Variants in ABCB11 observed in about 807,000 individuals in gnomAD.
ABCB11 encodes the protein ATP binding cassette subfamily B member 11, also known as bile salt export pump.
In ABCB11, 95 loss-of-function variants were observed where a neutral mutation model predicts 148.0. That is an observed-to-expected ratio of 0.64 (90% CI 0.54 to 0.76). The LOEUF (loss-of-function observed/expected upper bound fraction) is 0.76, where lower values mean the gene tolerates loss of function less well. Among genes scored for constraint, ABCB11 ranks in the 30% least tolerant of loss-of-function variants. ABCB11 has a pLI of 0.00. For missense variants in ABCB11, 1,523 were observed against 1,617.8 expected, an observed-to-expected ratio of 0.94 and a Z score of 1.01; for synonymous variants, 591 against 555.4, an observed-to-expected ratio of 1.06 and a Z score of -0.90.
rs750399349 is a variant in ABCB11 at position 168,958,042 on chromosome 2, C to T, written c.2265G>A (p.Met755Ile). 1.9e-6 allele frequency: 3 copies of T among 1,611,382 alleles called. No homozygotes were observed. The South Asian group carries it at 3.3e-5, about 18-fold the overall frequency. The change falls in exon 19 of 28, where the codon ATG becomes ATA. Residue 755 changes from methionine (M) to isoleucine (I), a missense_variant. Met to Ile is a conservative substitution (Grantham distance 10, BLOSUM62 1). Transcript: ENST00000650372. ...LKFSAPEWPY[M>I]LVGSVGAAVN... Reference sequence around the variant, plus strand: ...CAGCTGCACCCACAGACCCTACCAGCATGTAGGGCCATTCTGGAGCACTGA... The same window carrying T: ...CAGCTGCACCCACAGACCCTACCAGTATGTAGGGCCATTCTGGAGCACTGA...
At chr2:168,973,117 C>A (rs1693661803) in intron 13 of ABCB11, among the ~76,000 whole-genome samples, 1 of 151,826 alleles carries the variant, frequency 6.6e-6, no homozygotes, top group South Asian at 2.1e-4. Flanking sequence ...CTTAAGGACA[C>A]AATAATATTT....
chr2:168,943,631 C>A (rs1692168747), intron 21 of ABCB11, among the ~76,000 whole-genome samples: 1 of 152,004 alleles, frequency 6.6e-6, no homozygotes, highest in Non-Finnish European at 1.5e-5. Flanking sequence ...ACATGTGCTT[C>A]CAGAAAAAGC....
rs497692 is a variant in ABCB11, at chr2:168,932,506, T to C, written c.3084A>G (p.Ala1028=). ...AAGAGAAGGCTCTTCCAAGAGCTGTTGCACTCAGTACAACTGCAGAGATCA... is the reference window on the plus strand; with the variant it reads ...AAGAGAAGGCTCTTCCAAGAGCTGTCGCACTCAGTACAACTGCAGAGATCA... ...FRVISAVVLS[A]TALGRAFSYT... is the part of the protein sequence containing the mutation. Residue 1028 remains alanine (A), a synonymous_variant, in exon 24 of 28, where the codon GCA becomes GCG. Coordinates refer to ENST00000650372, the MANE Select transcript of ABCB11 (RefSeq NM_003742.4). 861,875 of 1,612,724 alleles carry C rather than the reference T, an allele frequency of 0.53. 234,722 individuals are homozygous for C. The highest frequency in any genetic ancestry group is 0.66 in the South Asian group (59,799 of 90,870).
intron 1 of ABCB11, among the ~76,000 whole-genome samples, chr2:169,027,930 G>A (rs1695749803): frequency 6.6e-6 from 1 of 152,110 alleles, no homozygotes; most frequent in Non-Finnish European, 1.5e-5. Flanking sequence ...TCAGGGTTGA[G>A]AAAAGGTGTC....
At chr2:168,957,643 A>T (rs1692857232) in intron 19 of ABCB11, among the ~76,000 whole-genome samples, 1 of 151,720 alleles carries the variant, frequency 6.6e-6, no homozygotes, top group Non-Finnish European at 1.5e-5. Flanking sequence ...TATTCAGTGA[A>T]TCCACTTTGC....
chr2:168,954,689 A>T (rs1056326386), intron 19 of ABCB11, among the ~76,000 whole-genome samples: 2 of 151,710 alleles, frequency 1.3e-5, no homozygotes, highest in Non-Finnish European at 3.0e-5. Flanking sequence ...CATTCTGAAC[A>T]TAATATATAA....
Position 168,935,184 on chromosome 2 carries a change from C to A in ABCB11, c.3056G>T (p.Arg1019Met). 6.2e-7 allele frequency: 1 copy of A among 1,613,996 alleles called. No individual in the cohort carries two copies. Among genetic ancestry groups the A allele is most frequent in the Non-Finnish European group, 8.5e-7 (1 of 1,179,866 alleles). ...CTCACCTTGGCTAGATATTCCTCAC[C>A]TGAACACATAGCTGAAATGGAGCCC... ...NEGLHFSYVF[R>M]VISAVVLSAT... The change falls in exon 23 of 28, where the codon AGG (arginine) becomes ATG (methionine). Residue 1019 changes from arginine to methionine, a missense_variant and splice_region_variant. Coordinates refer to ENST00000650372, the MANE Select transcript of ABCB11 (RefSeq NM_003742.4).
intron 19 of ABCB11, among the ~76,000 whole-genome samples, chr2:168,946,125 G>A (rs943910956): frequency 6.6e-6 from 1 of 151,892 alleles, no homozygotes; most frequent in Non-Finnish European, 1.5e-5. Context: ...TGGATTTTGT[G>A]CATAACAGAA....
In ABCB11 at chr2:168,930,650, G is replaced by T. The variant is rs768455510; in HGVS notation, c.3411+15C>A. On this transcript the variant is annotated intron_variant, in intron 25 of 27. Transcript: ENST00000650372. ...CTGCAGAAGGCAAAATTCTCAAAAAGGTTGCGTGGCTTACCACCTTCCCTT... is the reference window on the plus strand; with the variant it reads ...CTGCAGAAGGCAAAATTCTCAAAAATGTTGCGTGGCTTACCACCTTCCCTT... 6.7e-7 allele frequency: 1 copy of T among 1,482,534 alleles called. No individual in the cohort carries two copies. The highest frequency in any genetic ancestry group is 1.8e-4 in the Middle Eastern group (1 of 5,486). The allele number at this position is 1,482,534 out of a possible 1,614,324, so 91.8% of individuals were successfully genotyped here. A position where few individuals can be genotyped will look rare whatever the true frequency, so the allele number is the denominator to read the frequency against.
intron 21 of ABCB11, among the ~76,000 whole-genome samples, chr2:168,943,063 G>A (rs1442589532): frequency 1.3e-5 from 2 of 151,890 alleles, no homozygotes; most frequent in Non-Finnish European, 2.9e-5. Flanking sequence ...GAAAAATTCT[G>A]AGAAAATCCT....
At chr2:168,966,742 T>C (rs1467469919) in intron 17 of ABCB11, among the ~76,000 whole-genome samples, 2 of 151,914 alleles carry the variant, frequency 1.3e-5, no homozygotes, top group Non-Finnish European at 2.9e-5. Flanking sequence ...CATTTAGTCA[T>C]CTTTTAACGA....
At chr2:168,993,650 T>A (rs745352200) in intron 8 of ABCB11, 61 bp downstream of exon 8, 86 of 1,496,158 alleles carry the variant, frequency 5.7e-5, no homozygotes, top group Admixed American at 3.2e-4. Context: ...AAGCTTCACA[T>A]TTTTGGCTGT....
At chr2:168,955,930 T>C (rs761506978) in intron 19 of ABCB11, among the ~76,000 whole-genome samples, 10 of 151,694 alleles carry the variant, frequency 6.6e-5, no homozygotes, top group Admixed American at 3.3e-4. Context: ...AAACCCAGCA[T>C]GGCAGTCGTT....
chr2:169,030,935 T>C (rs1313260812), intron 1 of ABCB11, among the ~76,000 whole-genome samples: 1 of 152,230 alleles, frequency 6.6e-6, no homozygotes, highest in Non-Finnish European at 1.5e-5. Context: ...GATTATTCAA[T>C]CTATTCGGCC....
intron 5 of ABCB11, among the ~76,000 whole-genome samples, chr2:169,001,294 T>C (rs545541139): frequency 6.6e-6 from 1 of 152,310 alleles, no homozygotes; most frequent in East Asian, 1.9e-4. Flanking sequence ...CCCTTCCTGA[T>C]GTCTAGGACT....
chr2:168,950,642 G>A (rs1334173888), intron 19 of ABCB11, among the ~76,000 whole-genome samples: 2 of 151,104 alleles, frequency 1.3e-5, no homozygotes, highest in African/African-American at 2.4e-5. Flanking sequence ...TTTGGTTGTT[G>A]CTTGAGTTGA....
rs7603227 is a variant in ABCB11, at chr2:169,002,226, T to C, written c.390-5504A>G. Among the ~76,000 whole-genome samples the C allele has an allele frequency of 5.5e-3, 837 of 152,216 alleles. 6 individuals are homozygous for C. Among genetic ancestry groups the C allele is most frequent in the African/African-American group, 0.019 (795 of 41,542 alleles). On this transcript the variant is annotated intron_variant, in intron 5 of 27. Coordinates refer to ENST00000650372, the MANE Select transcript of ABCB11 (RefSeq NM_003742.4). ...CGTGAAGTGATAACATTTATGGAGA[T>C]ATATGCACCTAAAAAAAGAGCCTCC... is the stretch of plus-strand genomic sequence containing the variant.
chr2:168,931,929 G>C (rs1023362467), intron 24 of ABCB11, among the ~76,000 whole-genome samples: 3 of 152,166 alleles, frequency 2.0e-5, no homozygotes, highest in African/African-American at 7.2e-5. Context: ...AAGTGGTATT[G>C]TATGGCCATC....
At chr2:168,946,148 A>G (rs192855035) in intron 19 of ABCB11, among the ~76,000 whole-genome samples, 2 of 151,952 alleles carry the variant, frequency 1.3e-5, no homozygotes, top group East Asian at 3.9e-4. Flanking sequence ...TTTGTAATTT[A>G]GGCCAGGTGA....
Sources: gnomAD v4.1 joint callset for allele counts (sites outside exome capture counted in the v4.1 genomes callset) on GRCh38, gnomAD v4.1.1 for gene constraint, MANE v1.5 for transcripts, NCBI Gene and HGNC (gene_info 2026-07-23, HGNC 2026-07-21) for gene names.